The following KIAA0319 variants were observed in gnomAD, a reference collection of about 807,000 sequenced individuals.
The protein encoded by KIAA0319 is dyslexia-associated protein KIAA0319.
In KIAA0319, 83 loss-of-function variants were observed where a neutral mutation model predicts 108.4. That is an observed-to-expected ratio of 0.77 (90% CI 0.64 to 0.92). The LOEUF (loss-of-function observed/expected upper bound fraction) is 0.92. KIAA0319 is among the 40% of genes least tolerant of loss of function. KIAA0319 has a pLI of 0.00. For synonymous variants in KIAA0319, 484 were observed against 510.4 expected, an observed-to-expected ratio of 0.95 and a Z score of 0.70; for missense variants, 1,195 against 1,322.4, an observed-to-expected ratio of 0.90 and a Z score of 1.49.
chr6:24,580,911 C>G lies in KIAA0319; in HGVS notation c.1279+15G>C. 1.3e-6 allele frequency: 2 copies of G among 1,578,206 alleles called. No homozygotes were observed. The highest frequency in any genetic ancestry group is 1.7e-6 in the Non-Finnish European group (2 of 1,148,058). Reference sequence around the variant, plus strand: ...AATATGTACAACAGGAGGTCATTCTCTTACACCGGCTTACCAGGCTTAACA... The same window carrying G: ...AATATGTACAACAGGAGGTCATTCTGTTACACCGGCTTACCAGGCTTAACA... On this transcript the variant is annotated intron_variant, in intron 7 of 20. Coordinates refer to ENST00000378214, the MANE Select transcript of KIAA0319 (RefSeq NM_014809.4).
chr6:24,580,796 T>A, intron 7 of KIAA0319, 130 bp downstream of exon 7: 2 of 662,352 alleles, frequency 3.0e-6, no homozygotes, highest in Non-Finnish European at 5.4e-6. Flanking sequence ...GTGTTTTCTC[T>A]ACAATGGAGC....
chr6:24,558,763 C>A (rs948660441), intron 17 of KIAA0319, among the ~76,000 whole-genome samples: 34 of 152,180 alleles, frequency 2.2e-4, no homozygotes, highest in African/African-American at 8.0e-4. Context: ...TTCTTTCTGC[C>A]AATAGCCATT....
At chr6:24,575,907 T>C (rs897319881) in intron 10 of KIAA0319, among the ~76,000 whole-genome samples, 7 of 152,122 alleles carry the variant, frequency 4.6e-5, no homozygotes, top group Non-Finnish European at 7.4e-5. Context: ...TAGACAAATA[T>C]ATTTAAAAGA....
intron 1 of KIAA0319, among the ~76,000 whole-genome samples, chr6:24,616,341 A>G (rs1379331801): frequency 2.6e-5 from 4 of 152,102 alleles, no homozygotes; most frequent in African/African-American, 9.7e-5. Flanking sequence ...TTCTTACTGG[A>G]GTATGATTTT....
At position 24,609,422 on chromosome 6, in the gene KIAA0319, C is replaced by T. The variant is rs763192045; in HGVS notation, c.-105-8214G>A. Among the ~76,000 whole-genome samples, 4 of 151,610 alleles carry T rather than the reference C, an allele frequency of 2.6e-5. No individual in the cohort carries two copies. In the East Asian group the frequency reaches 7.8e-4, roughly 29 times the overall value. On this transcript the variant is annotated intron_variant, in intron 1 of 20. Transcript: ENST00000378214. ...TGAAACCCCGTCTGTACTAAAAATA[C>T]AAAAATTAGCCAGGCATGGTGGCAC...
intron 1 of KIAA0319, among the ~76,000 whole-genome samples, chr6:24,601,575 A>G (rs1033291352): frequency 2.6e-5 from 4 of 152,220 alleles, no homozygotes; most frequent in African/African-American, 9.6e-5. Context: ...TAGCAGAAAA[A>G]GAGAAAGCCT....
chr6:24,548,124 T>C (rs1008158966), intron 20 of KIAA0319, among the ~76,000 whole-genome samples: 1 of 152,114 alleles, frequency 6.6e-6, no homozygotes, highest in Non-Finnish European at 1.5e-5. Flanking sequence ...GTATATGAAT[T>C]AGGAGATAAG....
chr6:24,608,325 G>C (rs949221199), intron 1 of KIAA0319, among the ~76,000 whole-genome samples: 1 of 152,024 alleles, frequency 6.6e-6, no homozygotes, highest in Non-Finnish European at 1.5e-5. Flanking sequence ...TGGACAAATA[G>C]TCTCAATATC....
In KIAA0319 at chr6:24,551,601, G is replaced by A. The variant is rs1761521733; in HGVS notation, c.2949-76C>T. The A allele has an allele frequency of 5.1e-6, 5 of 981,748 alleles. No homozygotes were observed. The East Asian group carries it at 1.2e-4, about 24-fold the overall frequency. 60.8% of individuals were successfully genotyped at this position (981,748 alleles called of 1,614,324 possible). On this transcript the variant is annotated intron_variant, in intron 19 of 20. Transcript: ENST00000378214. ...GAGCTAGGATTTAACGCACAGTAAA[G>A]ACACTAAAGGAAACATTTTGCCTTT...
intron 14 of KIAA0319, among the ~76,000 whole-genome samples, chr6:24,564,733 A>G (rs572289277): frequency 6.6e-6 from 1 of 152,332 alleles, no homozygotes; most frequent in African/African-American, 2.4e-5. Context: ...GAATTCCCTC[A>G]TAATGTATCA....
At chr6:24,630,693 A>G (rs1040953132) in intron 1 of KIAA0319, among the ~76,000 whole-genome samples, 2 of 71,490 alleles carry the variant, frequency 2.8e-5, no homozygotes, top group East Asian at 8.4e-4. Context: ...GTATATATAT[A>G]TATATATATA....
intron 11 of KIAA0319, among the ~76,000 whole-genome samples, chr6:24,571,381 A>C (rs1303215414): frequency 1.7e-5 from 2 of 117,810 alleles, no homozygotes; most frequent in African/African-American, 3.1e-5. Flanking sequence ...TGTCTCACAA[A>C]AAAAAAAAAA....
At chr6:24,565,527 G>C (rs1344768758) in intron 14 of KIAA0319, among the ~76,000 whole-genome samples, 1 of 152,006 alleles carries the variant, frequency 6.6e-6, no homozygotes, top group East Asian at 1.9e-4. Flanking sequence ...GGCCGAAGCG[G>C]GTGGATCACA....
chr6:24,610,712 C>A (rs1430848839), intron 1 of KIAA0319, among the ~76,000 whole-genome samples: 1 of 151,722 alleles, frequency 6.6e-6, no homozygotes, highest in Admixed American at 6.6e-5. Context: ...CTTGAGCCCA[C>A]GAGTTTGTGA....
At chr6:24,618,225 C>A (rs1037301794) in intron 1 of KIAA0319, among the ~76,000 whole-genome samples, 1 of 152,086 alleles carries the variant, frequency 6.6e-6, no homozygotes, top group Non-Finnish European at 1.5e-5. Flanking sequence ...GTTGTCAGTG[C>A]CACAGGTACT....
intron 14 of KIAA0319, among the ~76,000 whole-genome samples, chr6:24,564,870 G>A (rs1669760838): frequency 6.6e-6 from 1 of 152,204 alleles, no homozygotes. Flanking sequence ...AATATGTGCT[G>A]TGAACAGAGA....
intron 2 of KIAA0319, among the ~76,000 whole-genome samples, chr6:24,600,098 T>A (rs1770402340): frequency 6.6e-6 from 1 of 150,788 alleles, no homozygotes; most frequent in South Asian, 2.1e-4. Flanking sequence ...AACTCAGGAA[T>A]TGATATTTTG....
At chr6:24,587,095 T>A (rs181991719) in intron 4 of KIAA0319, among the ~76,000 whole-genome samples, 1 of 152,284 alleles carries the variant, frequency 6.6e-6, no homozygotes, top group Admixed American at 6.5e-5. Flanking sequence ...TGTATTTTCA[T>A]ATGTCTTAGC....
At chr6:24,541,506 T>G (rs1404566510), downstream of KIAA0319, among the ~76,000 whole-genome samples, 4 of 152,224 alleles carry the variant, frequency 2.6e-5, no homozygotes, top group Non-Finnish European at 5.9e-5. Flanking sequence ...ATAACACGAT[T>G]AATTTAGTCA....
Sources: allele counts gnomAD v4.1 joint callset (sites outside exome capture counted in the v4.1 genomes callset), GRCh38; gene constraint gnomAD v4.1.1; transcripts MANE v1.5; gene names NCBI Gene and HGNC (gene_info 2026-07-23, HGNC 2026-07-21).